MYCBP2: variants seen among roughly 807,000 people sequenced by gnomAD.
MYCBP2 encodes the protein MYC binding protein 2.
A neutral mutation model predicts 525.3 loss-of-function variants in MYCBP2; 120 were observed. That is an observed-to-expected ratio of 0.23 (90% CI 0.20 to 0.27). The LOEUF (loss-of-function observed/expected upper bound fraction) is 0.27. MYCBP2 is among the 10% of genes least tolerant of loss of function. MYCBP2 has a pLI of 1.00. For missense variants in MYCBP2, 4,149 were observed against 5,657.1 expected (o/e 0.73, Z 8.55); for synonymous variants, 1,894 against 1,955.8 (o/e 0.97, Z 0.83).
intron 32 of MYCBP2, among the ~76,000 whole-genome samples, chr13:77,183,157 T>C (rs2060370551): frequency 6.6e-6 from 1 of 152,344 alleles, no homozygotes; most frequent in Non-Finnish European, 1.5e-5. Flanking sequence ...ATAATATTTT[T>C]AAGAGCATCT....
chr13:77,297,961 A>G (rs2078372560), intron 1 of MYCBP2, among the ~76,000 whole-genome samples: 1 of 152,208 alleles, frequency 6.6e-6, no homozygotes, highest in African/African-American at 2.4e-5. Context: ...TTCTTCACAT[A>G]GGAACCTAAC....
intron 1 of MYCBP2, among the ~76,000 whole-genome samples, chr13:77,310,421 T>C (rs975359326): frequency 6.6e-6 from 1 of 152,188 alleles, no homozygotes; most frequent in Admixed American, 6.5e-5. Flanking sequence ...TAAATAAAGT[T>C]ATATTGGAAC....
chr13:77,059,074 T>A (rs949452276), intron 77 of MYCBP2, among the ~76,000 whole-genome samples: 10 of 151,520 alleles, frequency 6.6e-5, no homozygotes, highest in African/African-American at 1.2e-4. Flanking sequence ...TTTTTTTTTT[T>A]AAAAAGGTAC....
At chr13:77,158,260 A>G (rs1364739561) in intron 44 of MYCBP2, 151 bp from the exon 45 acceptor site, 2 of 473,454 alleles carry the variant, frequency 4.2e-6, no homozygotes, top group Non-Finnish European at 7.1e-6. Context: ...CCCACAGAAT[A>G]GGAAATTCCT....
chr13:77,115,743 A>C (rs1371773921), intron 55 of MYCBP2, among the ~76,000 whole-genome samples: 1 of 151,712 alleles, frequency 6.6e-6, no homozygotes, highest in Non-Finnish European at 1.5e-5. Context: ...GATGAAGTTA[A>C]ACCATGCACC....
chr13:77,316,223 G>C (rs2080917838), intron 1 of MYCBP2, among the ~76,000 whole-genome samples: 1 of 152,134 alleles, frequency 6.6e-6, no homozygotes, highest in Non-Finnish European at 1.5e-5. Flanking sequence ...CAAGATCAGA[G>C]ATACAAGGTT....
intron 80 of MYCBP2, among the ~76,000 whole-genome samples, chr13:77,052,893 G>T (rs564558428): frequency 6.6e-6 from 1 of 152,234 alleles, no homozygotes; most frequent in East Asian, 1.9e-4. Context: ...CTTTGGGAGG[G>T]TGAGGCAGAC....
At chr13:77,086,632 T>G (rs55738060) in intron 62 of MYCBP2, among the ~76,000 whole-genome samples, 4,506 of 152,268 alleles carry the variant, frequency 0.03, 95 homozygotes, top group East Asian at 0.053. Context: ...TTTTATTTAC[T>G]TTTTCTGTGT....
chr13:77,286,359 A>G (rs1594661255), intron 3 of MYCBP2, among the ~76,000 whole-genome samples: 3 of 152,304 alleles, frequency 2.0e-5, no homozygotes, highest in Admixed American at 2.0e-4. Context: ...GTTTAGAAAA[A>G]AGCAATATGC....
intron 8 of MYCBP2, among the ~76,000 whole-genome samples, chr13:77,266,532 A>G (rs1413771355): frequency 1.3e-5 from 2 of 152,050 alleles, no homozygotes; most frequent in South Asian, 2.1e-4. Context: ...ATATTTACCA[A>G]TATGTTCATA....
chr13:77,267,304 T>TTAAGAAGCA (rs1205870694), intron 8 of MYCBP2, among the ~76,000 whole-genome samples: 1 of 151,214 alleles, frequency 6.6e-6, no homozygotes, highest in Non-Finnish European at 1.5e-5. Context: ...TATCAAAGTA[T>TTAAGAAGCA]TAAGAAGCAT....
chr13:77,075,692 T>C (rs2042174064), intron 68 of MYCBP2: 1 of 152,174 alleles, frequency 6.6e-6, no homozygotes, highest in Admixed American at 6.6e-5. Flanking sequence ...GTGAGGGGAA[T>C]GCAGAGGGTT....
At chr13:77,133,904 G>GT in intron 52 of MYCBP2, among the ~76,000 whole-genome samples, 1 of 152,130 alleles carries the variant, frequency 6.6e-6, no homozygotes, top group African/African-American at 2.4e-5. Flanking sequence ...ACATTACATG[G>GT]TGAGTACTCC....
At chr13:77,136,518 T>G (rs536196534) in intron 52 of MYCBP2, among the ~76,000 whole-genome samples, 1 of 152,174 alleles carries the variant, frequency 6.6e-6, no homozygotes, top group East Asian at 1.9e-4. Context: ...GCTCAGCAAC[T>G]AGTACTATAA....
chr13:77,317,997 A>ATAACG (rs1411018610), intron 1 of MYCBP2, among the ~76,000 whole-genome samples: 2 of 148,594 alleles, frequency 1.3e-5, no homozygotes, highest in South Asian at 2.1e-4. Context: ...ATAACATAAC[A>ATAACG]TAACATAACA....
intron 14 of MYCBP2, among the ~76,000 whole-genome samples, chr13:77,254,595 G>A (rs1313031425): frequency 6.6e-6 from 1 of 151,820 alleles, no homozygotes; most frequent in Non-Finnish European, 1.5e-5. Context: ...CTGGGATCAA[G>A]TCAAGATAAC....
intron 58 of MYCBP2, among the ~76,000 whole-genome samples, chr13:77,094,939 G>A (rs2046008009): frequency 6.6e-6 from 1 of 152,078 alleles, no homozygotes; most frequent in African/African-American, 2.4e-5. Context: ...CATACATTCA[G>A]GGCCTAGCAC....
intron 66 of MYCBP2, 71 bp downstream of exon 66, chr13:77,078,753 C>T (rs1238130981): frequency 1.6e-6 from 2 of 1,245,022 alleles, no homozygotes; most frequent in African/African-American, 3.0e-5. Flanking sequence ...GGGTGGAATT[C>T]AATAGTGAAG....
chr13:77,189,987 T>A (rs1374694908), intron 29 of MYCBP2, among the ~76,000 whole-genome samples: 1 of 152,122 alleles, frequency 6.6e-6, no homozygotes, highest in African/African-American at 2.4e-5. Context: ...AGATTTTTTT[T>A]AAAGTCAGTA....
Sources: allele counts gnomAD v4.1 joint callset (sites outside exome capture counted in the v4.1 genomes callset), GRCh38; gene constraint gnomAD v4.1.1; transcripts MANE v1.5; gene names NCBI Gene and HGNC (gene_info 2026-07-23, HGNC 2026-07-21).